The following PCDH9 variants were observed in gnomAD, a reference collection of about 807,000 sequenced individuals.
PCDH9 encodes the protein protocadherin 9.
PCDH9 carries 24 observed loss-of-function variants against 70.6 expected under a neutral mutation model. The ratio of observed to expected loss-of-function variants is 0.34; its 90% CI spans 0.25 to 0.48. The LOEUF is 0.48. Ranked by LOEUF, PCDH9 falls within the 20% of genes least tolerant of loss-of-function variation. The pLI is 0.99. For synonymous variants in PCDH9, 562 were observed against 558.5 expected (o/e 1.01, Z -0.09); for missense variants, 1,281 against 1,503.6 (o/e 0.85, Z 2.45).
intron 3 of PCDH9, among the ~76,000 whole-genome samples, chr13:66,855,992 GTT>G (rs972472029): frequency 3.3e-5 from 5 of 151,844 alleles, no homozygotes; most frequent in East Asian, 1.9e-4. Flanking sequence ...GGTTTACTAA[GTT>G]TTTTTATAGA....
intron 2 of PCDH9, among the ~76,000 whole-genome samples, chr13:67,102,087 T>G (rs1406353084): frequency 6.6e-6 from 1 of 152,178 alleles, no homozygotes; most frequent in Admixed American, 6.5e-5. Context: ...AGTCCTATAT[T>G]AAAATGTTCT....
intron 2 of PCDH9, among the ~76,000 whole-genome samples, chr13:67,137,797 C>T (rs2087271036): frequency 1.3e-5 from 2 of 152,138 alleles, no homozygotes; most frequent in South Asian, 4.2e-4. Flanking sequence ...TCATCAGCCA[C>T]AGGGATTATT....
intron 4 of PCDH9, among the ~76,000 whole-genome samples, chr13:66,324,080 CTCT>C (rs1955799850): frequency 1.3e-5 from 2 of 152,098 alleles, no homozygotes; most frequent in East Asian, 3.9e-4. Context: ...CTCCACCCTC[CTCT>C]TCTTTTACTT....
chr13:66,565,100 T>C (rs116753251), intron 4 of PCDH9, among the ~76,000 whole-genome samples: 1 of 152,224 alleles, frequency 6.6e-6, no homozygotes, highest in Non-Finnish European at 1.5e-5. Flanking sequence ...TAAATCATTT[T>C]CGTGTCTTAA....
In PCDH9 at chr13:67,194,687, A is replaced by T. The variant is rs141884662; in HGVS notation, c.3036+30718T>A. Among the ~76,000 whole-genome samples, 465 of 152,254 alleles carry T rather than the reference A, an allele frequency of 3.1e-3. 1 individual carries two copies. The highest frequency in any genetic ancestry group is 0.011 in the African/African-American group (455 of 41,548). On this transcript the variant is annotated intron_variant, in intron 2 of 4. Transcript: ENST00000377865. ...AGGTTTACCACCATTTAAAATTTGCAGTTTGAAGTTTCTGATGCCTTCTAT... is the reference window on the plus strand; with the variant it reads ...AGGTTTACCACCATTTAAAATTTGCTGTTTGAAGTTTCTGATGCCTTCTAT...
At chr13:66,828,829 A>G in intron 3 of PCDH9, among the ~76,000 whole-genome samples, 1 of 142,436 alleles carries the variant, frequency 7.0e-6, no homozygotes, top group South Asian at 2.3e-4. Context: ...TAATAATAAT[A>G]ATAATAACAA....
intron 2 of PCDH9, among the ~76,000 whole-genome samples, chr13:67,197,597 C>A (rs1366068411): frequency 6.6e-6 from 1 of 151,930 alleles, no homozygotes; most frequent in Admixed American, 6.6e-5. Context: ...AAATATATAT[C>A]TGCAGGTATA....
intron 3 of PCDH9, among the ~76,000 whole-genome samples, chr13:66,767,294 A>G (rs1340911523): frequency 6.6e-6 from 1 of 152,096 alleles, no homozygotes; most frequent in Non-Finnish European, 1.5e-5. Flanking sequence ...ATTTAAGGCA[A>G]AATCTCAGCC....
chr13:66,727,785 A>G (rs1379192932), intron 3 of PCDH9, among the ~76,000 whole-genome samples: 1 of 152,114 alleles, frequency 6.6e-6, no homozygotes, highest in African/African-American at 2.4e-5. Flanking sequence ...GTACAAAATA[A>G]AAAGAATGCC....
chr13:66,784,469 G>A (rs564954098), intron 3 of PCDH9, among the ~76,000 whole-genome samples: 39 of 152,264 alleles, frequency 2.6e-4, no homozygotes, highest in African/African-American at 9.4e-4. Context: ...ACACCAGGAA[G>A]CAATCCAGAA....
At chr13:66,981,355 G>A (rs1594345043) in intron 2 of PCDH9, among the ~76,000 whole-genome samples, 1 of 150,604 alleles carries the variant, frequency 6.6e-6, no homozygotes, top group Non-Finnish European at 1.5e-5. Context: ...GGAGAATGGC[G>A]TGAACCCGGG....
chr13:66,944,356 T>G (rs2083053697), intron 2 of PCDH9, among the ~76,000 whole-genome samples: 1 of 152,196 alleles, frequency 6.6e-6, no homozygotes, highest in Non-Finnish European at 1.5e-5. Context: ...ATGCAATTTT[T>G]CATAAATATT....
At chr13:67,140,025 AC>A (rs34514187) in intron 2 of PCDH9, among the ~76,000 whole-genome samples, 7,616 of 66,126 alleles carry the variant, frequency 0.12, 315 homozygotes, top group Middle Eastern at 0.23. Flanking sequence ...TTTTTTGATC[AC>A]CCCCCCCCCC....
intron 2 of PCDH9, among the ~76,000 whole-genome samples, chr13:67,083,502 C>T (rs890018967): frequency 1.3e-5 from 2 of 152,128 alleles, no homozygotes; most frequent in African/African-American, 4.8e-5. Flanking sequence ...CAGAGAATTA[C>T]AGGAAAATAA....
chr13:66,662,311 A>G (rs1474404830), intron 3 of PCDH9, among the ~76,000 whole-genome samples: 1 of 152,040 alleles, frequency 6.6e-6, no homozygotes, highest in Non-Finnish European at 1.5e-5. Context: ...CGTCTCTACT[A>G]AAAATACAAA....
At chr13:66,372,679 C>G (rs891775835) in intron 4 of PCDH9, among the ~76,000 whole-genome samples, 1 of 151,586 alleles carries the variant, frequency 6.6e-6, no homozygotes, top group African/African-American at 2.4e-5. Flanking sequence ...TGTCCATTGG[C>G]AAGACAAGCC....
intron 4 of PCDH9, among the ~76,000 whole-genome samples, chr13:66,522,682 G>C (rs1960050418): frequency 6.6e-6 from 1 of 151,918 alleles, no homozygotes; most frequent in African/African-American, 2.4e-5. Flanking sequence ...AAAAGAATGA[G>C]GCTATGTGAC....
At chr13:66,520,874 A>G (rs764541993) in intron 4 of PCDH9, among the ~76,000 whole-genome samples, 1 of 152,172 alleles carries the variant, frequency 6.6e-6, no homozygotes, top group Non-Finnish European at 1.5e-5. Context: ...GAAATGCTTC[A>G]TGATTAATGA....
intron 4 of PCDH9, among the ~76,000 whole-genome samples, chr13:66,368,699 G>T (rs1017128759): frequency 6.6e-6 from 1 of 151,916 alleles, no homozygotes; most frequent in Non-Finnish European, 1.5e-5. Flanking sequence ...TCATGCTGCT[G>T]ATAAAAACAT....
Sources: allele counts gnomAD v4.1 joint callset (sites outside exome capture counted in the v4.1 genomes callset), GRCh38; gene constraint gnomAD v4.1.1; transcripts MANE v1.5; gene names NCBI Gene and HGNC (gene_info 2026-07-23, HGNC 2026-07-21).